RPAP2: variants seen among roughly 807,000 people sequenced by gnomAD.
RPAP2 encodes the protein RNA polymerase II associated protein 2.
A neutral mutation model predicts 73.1 loss-of-function variants in RPAP2; 52 were observed. The observed-to-expected ratio is 0.71, with a 90% CI of 0.57 to 0.90. RPAP2 has a LOEUF of 0.90. Among genes scored for constraint, RPAP2 ranks in the 40% least tolerant of loss-of-function variants. RPAP2 has a pLI of 0.00. For missense variants in RPAP2, 598 were observed against 701.8 expected (o/e 0.85, Z 1.67); for synonymous variants, 225 against 242.1 (o/e 0.93, Z 0.65).
At chr1:92,367,295 C>A (rs1198071542) in intron 11 of RPAP2, among the ~76,000 whole-genome samples, 2 of 152,194 alleles carry the variant, frequency 1.3e-5, no homozygotes, top group African/African-American at 4.8e-5. Context: ...CTTTTAGATT[C>A]TTTACTTACC....
intron 6 of RPAP2, 47 bp from the exon 7 acceptor site, chr1:92,320,552 G>A: frequency 6.4e-7 from 1 of 1,572,662 alleles, no homozygotes; most frequent in Non-Finnish European, 8.7e-7. Context: ...TTACAGGCAT[G>A]AGCCACCGCA....
chr1:92,357,014 T>A (rs889541553), intron 11 of RPAP2, among the ~76,000 whole-genome samples: 1 of 150,894 alleles, frequency 6.6e-6, no homozygotes, highest in South Asian at 2.1e-4. Context: ...TGCAGTGAGC[T>A]GAGATTGTGT....
At chr1:92,356,538 C>T (rs1654469676) in intron 11 of RPAP2, among the ~76,000 whole-genome samples, 1 of 151,158 alleles carries the variant, frequency 6.6e-6, no homozygotes, top group Admixed American at 6.6e-5. Context: ...CCTGCCTCAG[C>T]CTTCCAAGTA....
intron 11 of RPAP2, among the ~76,000 whole-genome samples, chr1:92,363,322 A>G (rs1380112851): frequency 1.3e-5 from 2 of 152,204 alleles, no homozygotes; most frequent in East Asian, 3.8e-4. Flanking sequence ...GTAGATACAC[A>G]TGATGGAACA....
intron 5 of RPAP2, among the ~76,000 whole-genome samples, 172 bp from the exon 6 acceptor site, chr1:92,307,016 A>T (rs2101114943): frequency 6.6e-6 from 1 of 152,262 alleles, no homozygotes; most frequent in East Asian, 1.9e-4. Context: ...GCAGTTGGGA[A>T]GGGGCACATA....
chr1:92,364,911 T>C (rs908631976), intron 11 of RPAP2, among the ~76,000 whole-genome samples: 4 of 152,160 alleles, frequency 2.6e-5, no homozygotes, highest in African/African-American at 9.7e-5. Flanking sequence ...TCCCAGCTCC[T>C]ACCAGATAAT....
intron 8 of RPAP2, among the ~76,000 whole-genome samples, chr1:92,325,586 A>G (rs2101189315): frequency 2.0e-5 from 3 of 152,280 alleles, no homozygotes; most frequent in Middle Eastern, 6.8e-3. Flanking sequence ...GTTACATAAC[A>G]TGTTAAAACA....
In RPAP2 at chr1:92,399,590, A is replaced by G. The variant is rs972094265; in HGVS notation, c.*12579A>G. The G allele has an allele frequency of 1.3e-5, 2 of 152,194 alleles. No homozygotes were observed. The highest frequency in any genetic ancestry group is 6.5e-5 in the Admixed American group (1 of 15,272). 9.4% of individuals were successfully genotyped at this position (152,194 alleles called of 1,614,324 possible). A position where few individuals can be genotyped will look rare whatever the true frequency, so the allele number is the denominator to read the frequency against. On this transcript the variant is annotated 3_prime_UTR_variant, in exon 13 of 13. Coordinates refer to ENST00000610020, the MANE Select transcript of RPAP2 (RefSeq NM_024813.3). ...CTGTAATGTTTTGAAGTTGACACATATAATTTAATGTAGTTTCATGTCATA... is the reference window on the plus strand; with the variant it reads ...CTGTAATGTTTTGAAGTTGACACATGTAATTTAATGTAGTTTCATGTCATA...
intron 11 of RPAP2, among the ~76,000 whole-genome samples, chr1:92,368,412 T>C (rs974377821): frequency 3.3e-5 from 5 of 152,136 alleles, no homozygotes; most frequent in Admixed American, 1.3e-4. Flanking sequence ...CGTTACTGAC[T>C]TTTATTGTAC....
chr1:92,391,167 A>T lies in RPAP2; in HGVS notation c.*4156A>T, dbSNP rs1401636310. 6.6e-6 allele frequency: 1 copy of T among 152,238 alleles called. No homozygotes were observed. Among genetic ancestry groups the T allele is most frequent in the African/African-American group, 2.4e-5 (1 of 41,460 alleles). The allele number at this position is 152,238 out of a possible 1,614,324, so 9.4% of individuals were successfully genotyped here. ...CACTCTTCAGCAAATGCAAAAGAAC[A>T]GAAATCACAACAAACCGTCTCAGAC... On this transcript the variant is annotated 3_prime_UTR_variant, in exon 13 of 13. Coordinates refer to ENST00000610020, the MANE Select transcript of RPAP2 (RefSeq NM_024813.3).
chr1:92,387,363 A>G lies in RPAP2; in HGVS notation c.*352A>G, dbSNP rs148282471. The G allele has an allele frequency of 2.0e-3, 328 of 164,702 alleles. 2 individuals are homozygous for G. Among genetic ancestry groups the G allele is most frequent in the African/African-American group, 7.2e-3 (304 of 42,182 alleles). The allele number at this position is 164,702 out of a possible 1,614,324, so 10.2% of individuals were successfully genotyped here. A position where few individuals can be genotyped will look rare whatever the true frequency, so the allele number is the denominator to read the frequency against. On this transcript the variant is annotated 3_prime_UTR_variant, in exon 13 of 13. Transcript: ENST00000610020. ...TTTTTCTGGATGATTTCCAGCCATCATATCAGTTTGCCAAAAAAATTGAGA... is the reference window on the plus strand; with the variant it reads ...TTTTTCTGGATGATTTCCAGCCATCGTATCAGTTTGCCAAAAAAATTGAGA...
intron 8 of RPAP2, chr1:92,333,108 A>G (rs1310274765): frequency 3.0e-6 from 1 of 332,760 alleles, no homozygotes; most frequent in East Asian, 5.3e-5. Context: ...GCAGTTTACA[A>G]AATCTTTTTG....
chr1:92,370,609 T>C (rs1243394124), intron 11 of RPAP2, among the ~76,000 whole-genome samples: 1 of 151,950 alleles, frequency 6.6e-6, no homozygotes. Flanking sequence ...TCTCCATCCT[T>C]CAAAATCATG....
At chr1:92,318,392 A>G (rs1289968020) in intron 6 of RPAP2, among the ~76,000 whole-genome samples, 1 of 152,202 alleles carries the variant, frequency 6.6e-6, no homozygotes, top group Non-Finnish European at 1.5e-5. Flanking sequence ...TTAGTTACAT[A>G]TAGATTTGGG....
intron 11 of RPAP2, among the ~76,000 whole-genome samples, chr1:92,377,516 C>CAAAAAAAAAAAAAAAA: frequency 1.3e-5 from 1 of 76,608 alleles, no homozygotes; most frequent in Non-Finnish European, 2.4e-5. Context: ...AACTTTGTCT[C>CAAAAAAAAAAAAAAAA]AAAAAAAAAA....
chr1:92,303,679 C>A (rs1651019376), intron 3 of RPAP2, among the ~76,000 whole-genome samples: 5 of 152,118 alleles, frequency 3.3e-5, no homozygotes, highest in Non-Finnish European at 5.9e-5. Context: ...ATAGCTATAG[C>A]ATCACTTCTT....
chr1:92,380,558 T>A (rs906281733), intron 11 of RPAP2, among the ~76,000 whole-genome samples, 166 bp from the exon 12 acceptor site: 2 of 152,238 alleles, frequency 1.3e-5, no homozygotes, highest in East Asian at 3.8e-4. Flanking sequence ...AGTCTTTTCC[T>A]GAGACTTCTC....
chr1:92,307,167 G>A (rs975655282), intron 5 of RPAP2, 21 bp from the exon 6 acceptor site: 1 of 1,544,928 alleles, frequency 6.5e-7, no homozygotes, highest in African/African-American at 1.4e-5. Context: ...AAAAAAACTA[G>A]ATTTATAATG....
chr1:92,299,270 G>C (rs1650595959), intron 1 of RPAP2, 124 bp downstream of exon 1: 4 of 516,950 alleles, frequency 7.7e-6, no homozygotes, highest in Non-Finnish European at 1.3e-5. Context: ...CCCAGGTAGA[G>C]TAGGCCGAAA....
Sources: allele counts gnomAD v4.1 joint callset (sites outside exome capture counted in the v4.1 genomes callset), GRCh38; gene constraint gnomAD v4.1.1; transcripts MANE v1.5; gene names NCBI Gene and HGNC (gene_info 2026-07-23, HGNC 2026-07-21).